The following PCDHA5 variants were observed in gnomAD, a reference collection of about 807,000 sequenced individuals.
PCDHA5 encodes the protein protocadherin alpha-5.
In PCDHA5, 43 loss-of-function variants were observed where a neutral mutation model predicts 61.6. The ratio of observed to expected loss-of-function variants is 0.70; its 90% CI spans 0.55 to 0.90. PCDHA5 has a LOEUF of 0.90. PCDHA5 is among the 40% of genes least tolerant of loss of function. PCDHA5 has a pLI of 0.00. For synonymous variants in PCDHA5, 627 were observed against 543.9 expected (o/e 1.15, Z -2.13); for missense variants, 1,298 against 1,222.7 (o/e 1.06, Z -0.92).
At chr5:140,835,616 C>T in intron 1 of PCDHA5, 1 of 1,613,886 alleles carries the variant, frequency 6.2e-7, no homozygotes, top group East Asian at 2.2e-5. Context: ...TGCTGGACAG[C>T]GCTCTGGACC....
At chr5:140,830,659 T>G (rs1771191789) in intron 1 of PCDHA5, 2 of 412,340 alleles carry the variant, frequency 4.9e-6, no homozygotes, top group East Asian at 9.9e-5. Flanking sequence ...TATTCATAAT[T>G]TAAGTGAAAT....
Position 140,830,206 on chromosome 5 carries a change from C to T in PCDHA5, c.2352+6079C>T, listed in dbSNP as rs144997304. 2.0e-5 allele frequency: 32 copies of T among 1,613,660 alleles called. No individual in the cohort carries two copies. The Admixed American group carries it at 2.0e-4, about 10-fold the overall frequency. On this transcript the variant is annotated intron_variant, in intron 1 of 3. Coordinates refer to ENST00000529859, the MANE Select transcript of PCDHA5 (RefSeq NM_018908.3). Reference sequence around the variant, plus strand: ...ACGTGTACCTGATCATCGCCATCTGCGCGGTATCCAGCCTGCTGGTCCTCA... The same window carrying T: ...ACGTGTACCTGATCATCGCCATCTGTGCGGTATCCAGCCTGCTGGTCCTCA...
intron 1 of PCDHA5, chr5:140,829,429 C>G: frequency 5.0e-6 from 8 of 1,614,012 alleles, no homozygotes; most frequent in African/African-American, 1.3e-5. Context: ...TGGAGGTGGC[C>G]GACATGAATG....
chr5:140,869,828 T>G, intron 1 of PCDHA5: 2 of 1,611,962 alleles, frequency 1.2e-6, no homozygotes, highest in South Asian at 2.2e-5. Context: ...GATCCAGAGT[T>G]TGATAAATCA....
At chr5:140,830,776 T>A (rs190922926) in intron 1 of PCDHA5, 105 of 166,754 alleles carry the variant, frequency 6.3e-4, no homozygotes, top group Admixed American at 1.3e-3. Flanking sequence ...CATAGTAGCA[T>A]TTTTTTCTGA....
intron 1 of PCDHA5, chr5:140,829,704 G>T: frequency 6.2e-7 from 1 of 1,613,434 alleles, no homozygotes; most frequent in Non-Finnish European, 8.5e-7. Flanking sequence ...GTGAGCGCGC[G>T]CGACGCGGGC....
chr5:140,888,994 T>A (rs1486471421), intron 1 of PCDHA5, among the ~76,000 whole-genome samples: 5 of 152,154 alleles, frequency 3.3e-5, no homozygotes, highest in African/African-American at 1.2e-4. Flanking sequence ...TATGATTTTC[T>A]TATGGCAAAC....
intron 3 of PCDHA5, among the ~76,000 whole-genome samples, chr5:141,005,573 G>A (rs947306752): frequency 4.0e-5 from 6 of 151,140 alleles, no homozygotes; most frequent in Admixed American, 1.3e-4. Context: ...ATGGTGGCGC[G>A]TGCCTGTAGT....
At position 140,842,761 on chromosome 5, in the gene PCDHA5, A is replaced by G. The variant is rs200442158; in HGVS notation, c.2352+18634A>G. ...GCCACATCTTCACGGTGTCTGCGCG[A>G]GACGCGGACGCGCAGGAGAACGCGC... On this transcript the variant is annotated intron_variant, in intron 1 of 3. Coordinates refer to ENST00000529859, the MANE Select transcript of PCDHA5 (RefSeq NM_018908.3). 1.6e-5 allele frequency: 26 copies of G among 1,594,610 alleles called. 2 individuals are homozygous for G. The highest frequency in any genetic ancestry group is 4.5e-5 in the East Asian group (2 of 44,836).
chr5:141,000,924 G>C (rs375816680), intron 3 of PCDHA5, among the ~76,000 whole-genome samples: 97 of 152,046 alleles, frequency 6.4e-4, no homozygotes, highest in African/African-American at 2.2e-3. Context: ...AAAAAATCCT[G>C]TGTGATTTAG....
chr5:140,871,176 G>A (rs782559553), intron 1 of PCDHA5: 12 of 1,613,416 alleles, frequency 7.4e-6, no homozygotes, highest in Non-Finnish European at 1.0e-5. Flanking sequence ...CAGAGGCTGC[G>A]CTGGTGGATG....
At chr5:140,870,279 T>C (rs1047130885) in intron 1 of PCDHA5, 3 of 1,614,120 alleles carry the variant, frequency 1.9e-6, no homozygotes, top group Non-Finnish European at 2.5e-6. Context: ...CGCCCCACGT[T>C]CCCTTCAAGC....
chr5:140,992,017 CTGTGTGTGTGTGTGTG>C (rs10602499), intron 3 of PCDHA5, among the ~76,000 whole-genome samples: 31 of 145,626 alleles, frequency 2.1e-4, no homozygotes, highest in East Asian at 1.4e-3. Flanking sequence ...AGAGGTGGCT[CTGTGTGTGTGTGTGTG>C]TGTGTGTGTG....
chr5:140,868,360 T>C (rs1403678889), intron 1 of PCDHA5: 1 of 152,130 alleles, frequency 6.6e-6, no homozygotes, highest in African/African-American at 2.4e-5. Context: ...AGCAATTAAA[T>C]GTAAATAACA....
At position 140,821,634 on chromosome 5, in the gene PCDHA5, G is replaced by A. The variant is rs2150109969; in HGVS notation, c.-142G>A. 20,472 of 1,004,422 alleles carry A rather than the reference G, an allele frequency of 0.02. 283 individuals carry two copies. The highest frequency in any genetic ancestry group is 0.025 in the Non-Finnish European group (17,763 of 699,302). 62.2% of individuals were successfully genotyped at this position (1,004,422 alleles called of 1,614,324 possible). Reference sequence around the variant, plus strand: ...GAGTAGATTTTCCTTAGACAGAAAGGAAAAGAACCTTCCATTTTTGGCTGT... The same window carrying A: ...GAGTAGATTTTCCTTAGACAGAAAGAAAAAGAACCTTCCATTTTTGGCTGT... On this transcript the variant is annotated 5_prime_UTR_variant, in exon 1 of 4. Coordinates refer to ENST00000529859, the MANE Select transcript of PCDHA5 (RefSeq NM_018908.3).
chr5:140,979,020 C>T lies in PCDHA5; in HGVS notation c.2411+13C>T. The T allele has an allele frequency of 6.2e-7, 1 of 1,613,708 alleles. No individual in the cohort carries two copies. Among genetic ancestry groups the T allele is most frequent in the Non-Finnish European group, 8.5e-7 (1 of 1,179,840 alleles). On this transcript the variant is annotated intron_variant, in intron 2 of 3. Transcript: ENST00000529859. ...CAGGCATGCACAGGTATGTATTTCC[C>T]TCCTCATTCACTCAGAAGTAACCTT...
intron 3 of PCDHA5, among the ~76,000 whole-genome samples, chr5:141,006,464 C>T (rs1243356826): frequency 5.9e-5 from 9 of 152,100 alleles, no homozygotes; most frequent in African/African-American, 1.7e-4. Context: ...CTGCCTGTCT[C>T]GGCCTCCCAA....
chr5:140,842,923 G>A (rs1454806269), intron 1 of PCDHA5: 1 of 1,594,526 alleles, frequency 6.3e-7, no homozygotes, highest in Non-Finnish European at 8.6e-7. Flanking sequence ...TGCAGTTCCA[G>A]GTGAGCGCGC....
At chr5:140,855,901 A>G (rs1280645152) in intron 1 of PCDHA5, 6 of 1,088,536 alleles carry the variant, frequency 5.5e-6, no homozygotes, top group African/African-American at 4.7e-5. Flanking sequence ...GGCATCAGCC[A>G]GTTTCTCAAG....
Sources: allele counts gnomAD v4.1 joint callset (sites outside exome capture counted in the v4.1 genomes callset), GRCh38; gene constraint gnomAD v4.1.1; transcripts MANE v1.5; gene names NCBI Gene and HGNC (gene_info 2026-07-23, HGNC 2026-07-21).